Variants in OXR1 observed in about 807,000 individuals in gnomAD.
The protein encoded by OXR1 is oxidation resistance protein 1.
Under a neutral mutation model 104.6 loss-of-function variants are expected in OXR1, and 41 were observed. That is an observed-to-expected ratio of 0.39 (90% CI 0.31 to 0.51). The LOEUF (loss-of-function observed/expected upper bound fraction) is 0.51. Among genes scored for constraint, OXR1 ranks in the 20% least tolerant of loss-of-function variants. OXR1 has a pLI of 0.77. For synonymous variants in OXR1, 348 were observed against 348.4 expected, an observed-to-expected ratio of 1.00 and a Z score of 0.01; for missense variants, 955 against 1,031.9, an observed-to-expected ratio of 0.93 and a Z score of 1.02.
chr8:106,558,372 C>T (rs919097509), intron 3 of OXR1, among the ~76,000 whole-genome samples: 2 of 152,220 alleles, frequency 1.3e-5, no homozygotes, highest in African/African-American at 2.4e-5. Context: ...AATCACCACC[C>T]TGGATTCCCC....
intron 6 of OXR1, among the ~76,000 whole-genome samples, chr8:106,691,191 T>C (rs1829239772): frequency 6.6e-6 from 1 of 152,014 alleles, no homozygotes; most frequent in Non-Finnish European, 1.5e-5. Context: ...TAGATAGATA[T>C]AGATGTTTAT....
intron 1 of OXR1, among the ~76,000 whole-genome samples, chr8:106,325,640 AG>A (rs1031471921): frequency 6.6e-6 from 1 of 152,198 alleles, no homozygotes. Flanking sequence ...TCTTGTTTTT[AG>A]TACAAGTCAG....
At chr8:106,485,368 A>G (rs1810579309) in intron 2 of OXR1, among the ~76,000 whole-genome samples, 1 of 152,116 alleles carries the variant, frequency 6.6e-6, no homozygotes. Context: ...TAACAAATGT[A>G]ACATTCTTAT....
chr8:106,644,348 T>C (rs1823901724), intron 3 of OXR1, among the ~76,000 whole-genome samples: 1 of 152,218 alleles, frequency 6.6e-6, no homozygotes, highest in African/African-American at 2.4e-5. Flanking sequence ...CATATTAATA[T>C]ATCATTAAAA....
intron 2 of OXR1, among the ~76,000 whole-genome samples, chr8:106,365,713 A>G (rs1816443415): frequency 6.6e-6 from 1 of 152,196 alleles, no homozygotes. Flanking sequence ...GCTTTGAGCT[A>G]TGTGCCTTTA....
intron 3 of OXR1, among the ~76,000 whole-genome samples, chr8:106,642,739 C>T (rs1823762838): frequency 6.6e-6 from 1 of 152,166 alleles, no homozygotes; most frequent in Non-Finnish European, 1.5e-5. Context: ...AGACATCTGC[C>T]AGAAAACTGT....
chr8:106,276,473 C>T (rs1349624566), intron 1 of OXR1, among the ~76,000 whole-genome samples: 5 of 152,122 alleles, frequency 3.3e-5, no homozygotes, highest in Non-Finnish European at 7.4e-5. Flanking sequence ...GGCACTCCTG[C>T]TTAGTAGTTT....
chr8:106,313,972 A>T (rs557491499), intron 1 of OXR1, among the ~76,000 whole-genome samples: 2 of 152,350 alleles, frequency 1.3e-5, no homozygotes, highest in African/African-American at 4.8e-5. Flanking sequence ...AAAGAAGTGT[A>T]TTGAATCCTG....
chr8:106,519,164 G>A, intron 3 of OXR1, 25 bp downstream of exon 3: 1 of 1,480,554 alleles, frequency 6.8e-7, no homozygotes, highest in East Asian at 2.5e-5. Flanking sequence ...TTTTATGCAA[G>A]TGAATAGATG....
chr8:106,383,838 G>A (rs914195191), intron 2 of OXR1, among the ~76,000 whole-genome samples: 1 of 151,916 alleles, frequency 6.6e-6, no homozygotes, highest in African/African-American at 2.4e-5. Context: ...GTAGCACTTA[G>A]GATTAAAAAA....
chr8:106,687,610 C>T (rs1450962133), intron 6 of OXR1, among the ~76,000 whole-genome samples: 3 of 151,732 alleles, frequency 2.0e-5, no homozygotes, highest in Non-Finnish European at 4.4e-5. Context: ...ATTCCAGCCA[C>T]TCAGGAGGCT....
intron 1 of OXR1, among the ~76,000 whole-genome samples, chr8:106,300,491 C>T (rs192422538): frequency 6.6e-6 from 1 of 151,812 alleles, no homozygotes; most frequent in Non-Finnish European, 1.5e-5. Context: ...CCAACATATA[C>T]AATGTCTCCT....
rs551149101 is a variant in OXR1, at chr8:106,681,439, A to G, written c.304-1760A>G. On this transcript the variant is annotated intron_variant, in intron 4 of 16. Coordinates refer to ENST00000517566, the MANE Select transcript of OXR1 (RefSeq NM_001198533.2). The stretch of plus-strand genomic sequence containing the variant: ...GAAAATATGTATATTATTGTTTTAC[A>G]TACACAAACAAATGCACACGCACCT... Among the ~76,000 whole-genome samples, 5 of 152,362 alleles carry G rather than the reference A, an allele frequency of 3.3e-5. No individual in the cohort carries two copies. In the East Asian group the frequency reaches 5.8e-4, roughly 18 times the overall value.
At chr8:106,384,369 G>A (rs1039684899) in intron 2 of OXR1, among the ~76,000 whole-genome samples, 2 of 152,096 alleles carry the variant, frequency 1.3e-5, no homozygotes, top group Non-Finnish European at 2.9e-5. Context: ...CACATGACTC[G>A]GGACAGCTCA....
chr8:106,652,799 A>G (rs989467807), intron 3 of OXR1, among the ~76,000 whole-genome samples: 2 of 151,960 alleles, frequency 1.3e-5, no homozygotes, highest in African/African-American at 4.8e-5. Flanking sequence ...AATAGGAAAT[A>G]GAAAAACATT....
At chr8:106,593,506 C>T (rs911744433) in intron 3 of OXR1, among the ~76,000 whole-genome samples, 3 of 152,202 alleles carry the variant, frequency 2.0e-5, no homozygotes, top group East Asian at 1.9e-4. Context: ...TGGCCAGGCA[C>T]GATGGCTCAT....
Position 106,354,969 on chromosome 8 carries a change from TA to T in OXR1, c.-138-4505del, listed in dbSNP as rs1165817057. Among the ~76,000 whole-genome samples the T allele has an allele frequency of 6.6e-5, 10 of 152,220 alleles. No individual in the cohort carries two copies. In the South Asian group the frequency reaches 2.1e-3, roughly 32 times the overall value. On this transcript the variant is annotated intron_variant, in intron 1 of 16. Coordinates refer to ENST00000517566, the MANE Select transcript of OXR1 (RefSeq NM_001198533.2). ...TTATTTTGGTAAAGTATCATCCCAA[TA>T]ATCCATTGTTGTATTCAAGGACTCT...
At chr8:106,408,742 G>A (rs1425232280) in intron 2 of OXR1, among the ~76,000 whole-genome samples, 1 of 152,152 alleles carries the variant, frequency 6.6e-6, no homozygotes, top group Non-Finnish European at 1.5e-5. Flanking sequence ...GATCCTGGCC[G>A]ACAGATGAAA....
intron 3 of OXR1, among the ~76,000 whole-genome samples, chr8:106,645,100 C>T (rs1823964273): frequency 2.0e-5 from 3 of 152,082 alleles, no homozygotes; most frequent in Non-Finnish European, 4.4e-5. Context: ...CATTTTACTA[C>T]ATAATGTATA....
Sources: allele counts gnomAD v4.1 joint callset (sites outside exome capture counted in the v4.1 genomes callset), GRCh38; gene constraint gnomAD v4.1.1; transcripts MANE v1.5; gene names NCBI Gene and HGNC (gene_info 2026-07-23, HGNC 2026-07-21).